PCBD2: variants seen among roughly 807,000 people sequenced by gnomAD.
PCBD2 encodes pterin-4-alpha-carbinolamine dehydratase 2.
Under a neutral mutation model 16.4 loss-of-function variants are expected in PCBD2, and 12 were observed. The ratio of observed to expected loss-of-function variants is 0.73; its 90% CI spans 0.47 to 1.19. PCBD2 has a LOEUF of 1.19. Ranked by LOEUF, PCBD2 falls within the 50% of genes most tolerant of loss-of-function variation. PCBD2 has a pLI of 0.00. For synonymous variants in PCBD2, 58 were observed against 61.8 expected (o/e 0.94, Z 0.29); for missense variants, 138 against 156.8 (o/e 0.88, Z 0.64).
In PCBD2 at chr5:134,938,094, A is replaced by G. The variant is rs191873431; in HGVS notation, c.217-20946A>G. On this transcript the variant is annotated intron_variant, in intron 2 of 3. Transcript: ENST00000254908. ...CAAGACTCAAATATTATTTCCAAAA[A>G]TTGTTAGTGGTGGTTCTGTTTCTCA... 1.2e-4 allele frequency among the ~76,000 whole-genome samples: 18 copies of G among 152,284 alleles called. No homozygotes were observed. The East Asian group carries it at 3.5e-3, about 29-fold the overall frequency.
chr5:134,920,402 C>T (rs969680004), intron 2 of PCBD2, among the ~76,000 whole-genome samples: 3 of 152,134 alleles, frequency 2.0e-5, no homozygotes, highest in East Asian at 1.9e-4. Flanking sequence ...TTGTTTTAGG[C>T]GAGATCTTGT....
chr5:134,943,321 G>A (rs1222040018), intron 2 of PCBD2, among the ~76,000 whole-genome samples: 5 of 152,080 alleles, frequency 3.3e-5, no homozygotes, highest in African/African-American at 4.8e-5. Flanking sequence ...AACTGGGGAC[G>A]GTATACATAA....
intron 2 of PCBD2, among the ~76,000 whole-genome samples, chr5:134,945,407 T>A (rs1442500750): frequency 1.3e-5 from 2 of 152,292 alleles, no homozygotes; most frequent in East Asian, 1.9e-4. Context: ...CTTGTTTATA[T>A]ACACTCAGGA....
chr5:134,923,629 A>G, intron 2 of PCBD2: 1 of 367,376 alleles, frequency 2.7e-6, no homozygotes, highest in Non-Finnish European at 4.8e-6. Context: ...GTGGCCCCTC[A>G]GAAGGATATT....
chr5:134,926,166 T>A, intron 2 of PCBD2: 2 of 320,366 alleles, frequency 6.2e-6, no homozygotes, highest in Non-Finnish European at 1.1e-5. Context: ...CTATGATGGA[T>A]CACGTAACGA....
intron 2 of PCBD2, among the ~76,000 whole-genome samples, chr5:134,950,594 A>G (rs1357472592): frequency 6.6e-6 from 1 of 152,226 alleles, no homozygotes; most frequent in Non-Finnish European, 1.5e-5. Context: ...AAGTTCCCAA[A>G]GAATACTTGA....
intron 2 of PCBD2, among the ~76,000 whole-genome samples, chr5:134,941,487 G>A: frequency 6.6e-6 from 1 of 152,190 alleles, no homozygotes; most frequent in East Asian, 1.9e-4. Flanking sequence ...TATGTTGATA[G>A]AGAGTTCAAA....
intron 2 of PCBD2, among the ~76,000 whole-genome samples, chr5:134,938,572 G>A (rs1228393923): frequency 6.6e-6 from 1 of 152,154 alleles, no homozygotes; most frequent in Non-Finnish European, 1.5e-5. Flanking sequence ...GGGAACACAG[G>A]ATTAGAGTTT....
At chr5:134,942,083 A>G (rs1343606698) in intron 2 of PCBD2, among the ~76,000 whole-genome samples, 6 of 146,104 alleles carry the variant, frequency 4.1e-5, no homozygotes, top group Non-Finnish European at 7.4e-5. Context: ...GTGAGCCAAG[A>G]TCATGCCACT....
chr5:134,951,958 C>A (rs1481370644), intron 2 of PCBD2, among the ~76,000 whole-genome samples: 4 of 151,924 alleles, frequency 2.6e-5, no homozygotes, highest in Non-Finnish European at 4.4e-5. Flanking sequence ...CTGTCTTCTT[C>A]CTGCAGTACA....
At chr5:134,929,842 C>G (rs1042823308) in intron 2 of PCBD2, among the ~76,000 whole-genome samples, 1 of 152,136 alleles carries the variant, frequency 6.6e-6, no homozygotes, top group Non-Finnish European at 1.5e-5. Flanking sequence ...CAGGCACATG[C>G]CACCATGCCT....
intron 1 of PCBD2, among the ~76,000 whole-genome samples, chr5:134,908,402 C>G (rs192626384): frequency 3.3e-5 from 5 of 151,950 alleles, no homozygotes; most frequent in Admixed American, 2.0e-4. Flanking sequence ...CAGTGGCTCA[C>G]GCCTGTAATC....
intron 2 of PCBD2, chr5:134,924,647 A>C: frequency 2.5e-6 from 1 of 397,218 alleles, no homozygotes; most frequent in East Asian, 3.6e-5. Flanking sequence ...GGGGGAATAG[A>C]TTATGTGATT....
intron 2 of PCBD2, among the ~76,000 whole-genome samples, chr5:134,941,684 G>C (rs1252711872): frequency 6.6e-6 from 1 of 152,104 alleles, no homozygotes; most frequent in Non-Finnish European, 1.5e-5. Context: ...TGTTTTAATA[G>C]TATTTAGTGA....
chr5:134,927,398 G>A (rs1751023175), intron 2 of PCBD2: 3 of 398,300 alleles, frequency 7.5e-6, no homozygotes, highest in Non-Finnish European at 8.8e-6. Context: ...GGAGCCATAG[G>A]TGGAGACCGT....
At chr5:134,938,692 A>G (rs999568176) in intron 2 of PCBD2, among the ~76,000 whole-genome samples, 3 of 152,220 alleles carry the variant, frequency 2.0e-5, no homozygotes, top group African/African-American at 7.2e-5. Context: ...GAATGCTTGA[A>G]TGCTGTCTGA....
intron 2 of PCBD2, chr5:134,924,442 AAG>A (rs903089904): frequency 5.0e-6 from 2 of 396,812 alleles, no homozygotes; most frequent in Non-Finnish European, 8.9e-6. Flanking sequence ...TTATGGGTGA[AAG>A]AGTATGATGG....
intron 1 of PCBD2, among the ~76,000 whole-genome samples, chr5:134,906,004 C>T (rs1750683825): frequency 1.3e-5 from 2 of 151,764 alleles, no homozygotes; most frequent in Non-Finnish European, 2.9e-5. Flanking sequence ...TCCCGAGTAG[C>T]TGCGATTACA....
chr5:134,945,604 A>G (rs1181370002), intron 2 of PCBD2, among the ~76,000 whole-genome samples: 1 of 152,226 alleles, frequency 6.6e-6, no homozygotes, highest in East Asian at 1.9e-4. Context: ...CTGAATTACT[A>G]GCATAATTTG....
Sources: allele counts gnomAD v4.1 joint callset (sites outside exome capture counted in the v4.1 genomes callset), GRCh38; gene constraint gnomAD v4.1.1; transcripts MANE v1.5; gene names NCBI Gene and HGNC (gene_info 2026-07-23, HGNC 2026-07-21).